The following WDR7 variants were observed in gnomAD, a reference collection of about 807,000 sequenced individuals.
WDR7 encodes the protein WD repeat-containing protein 7.
WDR7 carries 46 observed loss-of-function variants against 169.4 expected under a neutral mutation model. The ratio of observed to expected loss-of-function variants is 0.27; its 90% CI spans 0.21 to 0.35. The LOEUF is 0.35. WDR7 is among the 10% of genes least tolerant of loss of function. The probability of loss-of-function intolerance (pLI) is 1.00; values close to 1 mark genes in which losing one functional copy is unlikely to be tolerated. For missense variants in WDR7, 1,534 were observed against 1,859.3 expected (o/e 0.83, Z 3.22); for synonymous variants, 612 against 666.8 (o/e 0.92, Z 1.27).
chr18:56,773,065 T>G (rs1292235393), intron 16 of WDR7, among the ~76,000 whole-genome samples: 3 of 152,206 alleles, frequency 2.0e-5, no homozygotes, highest in African/African-American at 7.2e-5. Flanking sequence ...TTGCATGAGC[T>G]GCCAATTCTA....
rs142184201 is a variant in WDR7, at chr18:57,023,722, G to A, written c.4269+2873G>A. ...TACAATTTGAATATTTCACTTCTCT[G>A]TATCCATTGGCATTTGAGCAAGAGG... On this transcript the variant is annotated intron_variant, in intron 27 of 27. Coordinates refer to ENST00000254442, the MANE Select transcript of WDR7 (RefSeq NM_015285.3). 1.4e-3 allele frequency among the ~76,000 whole-genome samples: 217 copies of A among 152,244 alleles called. No individual in the cohort carries two copies. In the Middle Eastern group the frequency reaches 0.017, roughly 12 times the overall value.
At chr18:56,729,647 G>A (rs886896006) in intron 13 of WDR7, among the ~76,000 whole-genome samples, 3 of 151,998 alleles carry the variant, frequency 2.0e-5, no homozygotes, top group Non-Finnish European at 2.9e-5. Flanking sequence ...ACTAATGTTA[G>A]ATATTTAGGT....
At chr18:56,998,220 C>G (rs570750571) in intron 26 of WDR7, among the ~76,000 whole-genome samples, 1 of 152,290 alleles carries the variant, frequency 6.6e-6, no homozygotes, top group South Asian at 2.1e-4. Context: ...CTGTGTTACT[C>G]TCTCAGACCC....
chr18:56,912,083 G>T (rs2046560734), intron 21 of WDR7, among the ~76,000 whole-genome samples: 1 of 152,130 alleles, frequency 6.6e-6, no homozygotes, highest in African/African-American at 2.4e-5. Context: ...ATGTTTAATG[G>T]TGTATGGGTG....
At chr18:56,790,183 C>A (rs1045427022) in intron 19 of WDR7, among the ~76,000 whole-genome samples, 2 of 152,102 alleles carry the variant, frequency 1.3e-5, no homozygotes, top group African/African-American at 4.8e-5. Flanking sequence ...TATAAATTTT[C>A]TTTATTCTAG....
At chr18:56,796,948 C>T (rs1219544640) in intron 19 of WDR7, among the ~76,000 whole-genome samples, 1 of 152,158 alleles carries the variant, frequency 6.6e-6, no homozygotes, top group African/African-American at 2.4e-5. Context: ...CAAACTGCAA[C>T]CCTAGGACCA....
At chr18:56,781,733 C>T in intron 19 of WDR7, 77 bp downstream of exon 19, 1 of 1,320,026 alleles carries the variant, frequency 7.6e-7, no homozygotes, top group Non-Finnish European at 9.8e-7. Context: ...AATATATATG[C>T]TACTACCCAT....
chr18:56,970,425 T>C (rs537386378), intron 26 of WDR7, among the ~76,000 whole-genome samples: 55 of 152,178 alleles, frequency 3.6e-4, no homozygotes, highest in Non-Finnish European at 6.3e-4. Context: ...TCTTCAATAT[T>C]TAAAAAAATG....
In WDR7 at chr18:56,782,728, A is replaced by G. The variant is rs936355472; in HGVS notation, c.3190+1072A>G. ...ATTATTATACAAGAAGGAAAATGAA[A>G]ACAAAATTCAGAAAGGTTTATAACT... is the stretch of plus-strand genomic sequence containing the variant. On this transcript the variant is annotated intron_variant, in intron 19 of 27. Coordinates refer to ENST00000254442, the MANE Select transcript of WDR7 (RefSeq NM_015285.3). Among the ~76,000 whole-genome samples, 3 of 152,282 alleles carry G rather than the reference A, an allele frequency of 2.0e-5. No homozygotes were observed. The East Asian group carries it at 5.8e-4, about 29-fold the overall frequency.
chr18:56,786,693 TGATA>T (rs141283533), intron 19 of WDR7, among the ~76,000 whole-genome samples: 1,554 of 152,122 alleles, frequency 0.01, 30 homozygotes, highest in African/African-American at 0.035. Flanking sequence ...GCTTAATTTC[TGATA>T]GATAAATTGA....
chr18:56,663,632 TGCACAGC>T (rs746146265), intron 1 of WDR7, among the ~76,000 whole-genome samples: 139,013 of 151,628 alleles, frequency 0.92, 64,949 homozygotes, highest in East Asian at 1. Context: ...ACCACATATA[TGCACAGC>T]ATATATACAT....
At chr18:56,897,311 C>A (rs2046343713) in intron 21 of WDR7, among the ~76,000 whole-genome samples, 1 of 151,786 alleles carries the variant, frequency 6.6e-6, no homozygotes, top group South Asian at 2.1e-4. Flanking sequence ...ACCCAGGAAA[C>A]ATGTACAAGC....
chr18:56,757,315 A>T lies in WDR7; in HGVS notation c.2722A>T (p.Thr908Ser). Residue 908 changes from threonine to serine, a missense_variant, in exon 15 of 28, where the codon ACT becomes TCT. By Grantham distance (58) the Thr-to-Ser change is moderately conservative (BLOSUM62 1). Coordinates refer to ENST00000254442, the MANE Select transcript of WDR7 (RefSeq NM_015285.3). ...ANTLMSMTNATFIGDHMKKGP... is the reference protein window; with the variant it reads ...ANTLMSMTNASFIGDHMKKGP... ...TACTTTAATGAGTATGACCAATGCA[A>T]CTTTTATTGGTGATCATATGAAGAA... 6.2e-7 allele frequency: 1 copy of T among 1,612,600 alleles called. No individual in the cohort carries two copies. Among genetic ancestry groups the T allele is most frequent in the Non-Finnish European group, 8.5e-7 (1 of 1,178,846 alleles).
chr18:56,893,701 T>C (rs1297706126), intron 21 of WDR7, among the ~76,000 whole-genome samples: 1 of 152,116 alleles, frequency 6.6e-6, no homozygotes, highest in Non-Finnish European at 1.5e-5. Context: ...AATGTATGGC[T>C]CTTTCCTTAT....
chr18:57,030,335 A>G (rs1210256245), downstream of WDR7: 1 of 152,232 alleles, frequency 6.6e-6, no homozygotes, highest in Non-Finnish European at 1.5e-5. Flanking sequence ...ATTTGAGTCA[A>G]TCATCGTGTA....
At chr18:56,803,265 T>C (rs1205503579) in intron 19 of WDR7, among the ~76,000 whole-genome samples, 1 of 152,218 alleles carries the variant, frequency 6.6e-6, no homozygotes, top group Non-Finnish European at 1.5e-5. Context: ...TCATAGCATA[T>C]TGTTGCCAAT....
chr18:56,733,266 G>A (rs888929610), intron 14 of WDR7, among the ~76,000 whole-genome samples: 1 of 152,138 alleles, frequency 6.6e-6, no homozygotes, highest in Admixed American at 6.5e-5. Context: ...AGCTGCAGGA[G>A]GATAATCACT....
intron 26 of WDR7, among the ~76,000 whole-genome samples, chr18:56,986,931 A>C (rs1221049018): frequency 6.6e-6 from 1 of 152,076 alleles, no homozygotes; most frequent in African/African-American, 2.4e-5. Context: ...CCATAGGCTT[A>C]GGCAACAGTT....
intron 16 of WDR7, among the ~76,000 whole-genome samples, chr18:56,762,018 C>T (rs1041340526): frequency 6.6e-6 from 1 of 151,844 alleles, no homozygotes; most frequent in African/African-American, 2.4e-5. Context: ...AACTAGCTAC[C>T]TTTTATTCCT....
Sources: gnomAD v4.1 joint callset for allele counts (sites outside exome capture counted in the v4.1 genomes callset) on GRCh38, gnomAD v4.1.1 for gene constraint, MANE v1.5 for transcripts, NCBI Gene and HGNC (gene_info 2026-07-23, HGNC 2026-07-21) for gene names.